Variants in SRC observed in about 807,000 individuals in gnomAD.
SRC encodes SRC proto-oncogene, non-receptor tyrosine kinase.
Under a neutral mutation model 62.9 loss-of-function variants are expected in SRC, and 13 were observed. The observed-to-expected ratio is 0.21, with a 90% CI of 0.13 to 0.33. The LOEUF (loss-of-function observed/expected upper bound fraction) is 0.33, where lower values mean the gene tolerates loss of function less well. SRC is among the 10% of genes least tolerant of loss of function. The probability of loss-of-function intolerance (pLI) is 1.00; values close to 1 mark genes in which losing one functional copy is unlikely to be tolerated. For missense variants in SRC, 457 were observed against 737.3 expected (o/e 0.62, Z 4.40); for synonymous variants, 302 against 317.5 (o/e 0.95, Z 0.52).
chr20:37,365,670 G>A (rs953574564), intron 2 of SRC, among the ~76,000 whole-genome samples: 11 of 151,740 alleles, frequency 7.2e-5, no homozygotes, highest in Non-Finnish European at 1.2e-4. Context: ...CCGTAGCTTC[G>A]AAATCCTGGG....
At chr20:37,359,007 G>T (rs550153836) in intron 1 of SRC, among the ~76,000 whole-genome samples, 18 of 152,394 alleles carry the variant, frequency 1.2e-4, no homozygotes, top group African/African-American at 4.3e-4. Context: ...CATCCTCTGG[G>T]ACCTCAGTTC....
chr20:37,373,457 A>ATATACGCATATATACGCATATATGCG (rs2070228791), intron 2 of SRC, among the ~76,000 whole-genome samples: 2 of 95,570 alleles, frequency 2.1e-5, no homozygotes, highest in African/African-American at 1.6e-4. Flanking sequence ...GCATATATGC[A>ATATACGCATATATACGCATATATGCG]TATATACACA....
chr20:37,400,433 C>T (rs141422759), intron 10 of SRC, 139 bp downstream of exon 10: 10 of 753,336 alleles, frequency 1.3e-5, no homozygotes, highest in African/African-American at 9.0e-5. Context: ...TTGCCTGGGC[C>T]GGAGTGTGGT....
chr20:37,375,972 C>T (rs896938124), intron 2 of SRC, among the ~76,000 whole-genome samples: 2 of 152,180 alleles, frequency 1.3e-5, no homozygotes, highest in Non-Finnish European at 2.9e-5. Flanking sequence ...GGGCACTAAT[C>T]CCGTCATAAG....
At chr20:37,392,462 A>T (rs990701656) in intron 5 of SRC, among the ~76,000 whole-genome samples, 1 of 152,336 alleles carries the variant, frequency 6.6e-6, no homozygotes. Flanking sequence ...ACTGTAGGCA[A>T]GGGCCTTTCT....
chr20:37,393,971 T>A lies in SRC; in HGVS notation c.427T>A (p.Ser143Thr). 6.2e-7 allele frequency: 1 copy of A among 1,613,996 alleles called. No homozygotes were observed. Among genetic ancestry groups the A allele is most frequent in the South Asian group, 1.1e-5 (1 of 91,066 alleles). The stretch of plus-strand genomic sequence containing the variant: ...CATCCCCAGCAACTACGTGGCGCCC[T>A]CCGACTCCATCCAGGCTGAGGAGTG... ...GYIPSNYVAP[S>T]DSIQAEEWYF... Residue 143 changes from serine (S) to threonine (T), a missense_variant, in exon 6 of 14, where the codon TCC (serine) becomes ACC (threonine). Ser to Thr is a moderately conservative substitution (Grantham distance 58, BLOSUM62 1). Transcript: ENST00000373578.
At chr20:37,359,372 G>A (rs1192841797) in intron 1 of SRC, among the ~76,000 whole-genome samples, 1 of 152,250 alleles carries the variant, frequency 6.6e-6, no homozygotes, top group African/African-American at 2.4e-5. Context: ...CAACAAATAA[G>A]GAAACTGCAC....
At chr20:37,373,882 A>T (rs1314502046) in intron 2 of SRC, among the ~76,000 whole-genome samples, 1 of 152,038 alleles carries the variant, frequency 6.6e-6, no homozygotes, top group African/African-American at 2.4e-5. Context: ...ACACAGTTTT[A>T]ATTACTGTGT....
intron 5 of SRC, among the ~76,000 whole-genome samples, chr20:37,387,058 G>A (rs994555766): frequency 6.6e-6 from 1 of 152,244 alleles, no homozygotes; most frequent in Non-Finnish European, 1.5e-5. Flanking sequence ...ACTGGAGGGG[G>A]CTGACGCCTT....
At chr20:37,393,485 C>T (rs1222078150) in intron 5 of SRC, among the ~76,000 whole-genome samples, 1 of 152,218 alleles carries the variant, frequency 6.6e-6, no homozygotes, top group African/African-American at 2.4e-5. Flanking sequence ...GGAATCTCTT[C>T]TATTACAACC....
Position 37,397,636 on chromosome 20 carries a change from T to C in SRC, c.704-63T>C. On this transcript the variant is annotated intron_variant, in intron 8 of 13. Transcript: ENST00000373578. The surrounding 1 kb of genome is among the most constrained non-coding windows in gnomAD (Gnocchi z 4.1). ...ATCTGGCATGTAGGGCGACACACAC[T>C]GAGGGGCAGGGAGGCCCCAGGGCAG... 6.8e-7 allele frequency: 1 copy of C among 1,481,396 alleles called. No individual in the cohort carries two copies. The highest frequency in any genetic ancestry group is 9.0e-7 in the Non-Finnish European group (1 of 1,114,418). 91.8% of individuals were successfully genotyped at this position (1,481,396 alleles called of 1,614,324 possible).
chr20:37,400,092 C>G, intron 9 of SRC, 23 bp from the exon 10 acceptor site: 1 of 1,568,872 alleles, frequency 6.4e-7, no homozygotes, highest in South Asian at 1.2e-5. Flanking sequence ...TCCACTGAGT[C>G]AGCCTGCATC....
chr20:37,402,642 G>T lies in SRC; in HGVS notation c.1270+54G>T. ...CTTGGCCTGGGACAGGTCACGTCCC[G>T]CTCTGAGCCCCAGTTTTTTCCTCAG... On this transcript the variant is annotated intron_variant, in intron 12 of 13. Transcript: ENST00000373578. This position sits in a 1 kb window ranked among gnomAD's most constrained non-coding sequence, Gnocchi z 6.2. 1.3e-6 allele frequency: 2 copies of T among 1,576,526 alleles called. No individual in the cohort carries two copies. Among genetic ancestry groups the T allele is most frequent in the Middle Eastern group, 1.7e-4 (1 of 5,888 alleles).
Position 37,402,270 on chromosome 20 carries a change from C to G in SRC, c.1117-165C>G. On this transcript the variant is annotated intron_variant, in intron 11 of 13. Transcript: ENST00000373578. The surrounding 1 kb of genome is among the most constrained non-coding windows in gnomAD (Gnocchi z 6.2). ...CTCCCTACTCCCGCAGAGCACTGCT[C>G]CTGCTTTCGATGCCAACAGCATTTA... The G allele has an allele frequency of 1.3e-6, 1 of 784,612 alleles. No individual in the cohort carries two copies. The highest frequency in any genetic ancestry group is 2.7e-5 in the East Asian group (1 of 37,176). The allele number at this position is 784,612 out of a possible 1,614,324, so 48.6% of individuals were successfully genotyped here.
At position 37,393,881 on chromosome 20, in the gene SRC, C is replaced by G; in HGVS notation, c.351-14C>G. The G allele has an allele frequency of 6.2e-7, 1 of 1,600,798 alleles. No homozygotes were observed. The highest frequency in any genetic ancestry group is 8.6e-7 in the Non-Finnish European group (1 of 1,168,178). On this transcript the variant is annotated splice_polypyrimidine_tract_variant and intron_variant, in intron 5 of 13. Transcript: ENST00000373578. Reference sequence around the variant, plus strand: ...CTCCCTTCTCCTTTCCTCCCTCCTTCTGTCCCTGCTCAGAGAGGGAGACTG... The same window carrying G: ...CTCCCTTCTCCTTTCCTCCCTCCTTGTGTCCCTGCTCAGAGAGGGAGACTG...
chr20:37,382,049 C>A (rs562916944), intron 2 of SRC, among the ~76,000 whole-genome samples: 1 of 152,162 alleles, frequency 6.6e-6, no homozygotes, highest in African/African-American at 2.4e-5. Context: ...CTGGGCTGGG[C>A]GCTCAGGGCA....
intron 1 of SRC, among the ~76,000 whole-genome samples, chr20:37,358,004 A>G (rs2069908920): frequency 6.6e-6 from 1 of 152,188 alleles, no homozygotes; most frequent in Non-Finnish European, 1.5e-5. Flanking sequence ...GGCCCCTGTG[A>G]CGACTTTGGC....
intron 2 of SRC, among the ~76,000 whole-genome samples, chr20:37,379,840 G>A (rs182263955): frequency 2.1e-5 from 3 of 144,538 alleles, no homozygotes; most frequent in African/African-American, 7.7e-5. Context: ...AGGTTGCAGT[G>A]AGCCGAGATC....
intron 5 of SRC, among the ~76,000 whole-genome samples, chr20:37,391,699 C>T (rs1341954783): frequency 6.6e-6 from 1 of 152,054 alleles, no homozygotes; most frequent in African/African-American, 2.4e-5. Context: ...ACTAAAAATA[C>T]AAAAATTAGC....
Sources: allele counts gnomAD v4.1 joint callset (sites outside exome capture counted in the v4.1 genomes callset), GRCh38; gene constraint gnomAD v4.1.1; non-coding constraint Gnocchi (gnomAD v3.1); transcripts MANE v1.5; gene names NCBI Gene and HGNC (gene_info 2026-07-23, HGNC 2026-07-21).